The following XYLT1 variants were observed in gnomAD, a reference collection of about 807,000 sequenced individuals.
XYLT1 encodes the protein beta-D-xylosyltransferase 1.
In XYLT1, 36 loss-of-function variants were observed where a neutral mutation model predicts 91.3. The observed-to-expected ratio is 0.39, with a 90% confidence interval of 0.30 to 0.52. XYLT1 has a LOEUF of 0.52. Among genes scored for constraint, XYLT1 ranks in the 20% least tolerant of loss-of-function variants. XYLT1 has a pLI of 0.68. For missense variants in XYLT1, 1,242 were observed against 1,284.5 expected (o/e 0.97, Z 0.51); for synonymous variants, 588 against 532.0 (o/e 1.11, Z -1.45).
chr16:17,168,326 G>A (rs1245421286), intron 5 of XYLT1, among the ~76,000 whole-genome samples: 2 of 152,208 alleles, frequency 1.3e-5, no homozygotes, highest in African/African-American at 4.8e-5. Context: ...TGTCCTAAGT[G>A]AATTAACAGA....
chr16:17,346,153 G>A (rs1002482758), intron 2 of XYLT1, among the ~76,000 whole-genome samples: 3 of 152,264 alleles, frequency 2.0e-5, no homozygotes, highest in African/African-American at 4.8e-5. Flanking sequence ...CAAAGGGATC[G>A]CTGGCGTGTG....
At chr16:17,418,953 A>C (rs1205704607) in intron 1 of XYLT1, among the ~76,000 whole-genome samples, 1 of 152,070 alleles carries the variant, frequency 6.6e-6, no homozygotes, top group African/African-American at 2.4e-5. Context: ...GCGCTGCTGT[A>C]GGCGATATCT....
At chr16:17,215,302 T>C (rs2032834486) in intron 3 of XYLT1, among the ~76,000 whole-genome samples, 1 of 152,076 alleles carries the variant, frequency 6.6e-6, no homozygotes. Flanking sequence ...GTTGCACCAC[T>C]GCACTCCAGC....
intron 1 of XYLT1, among the ~76,000 whole-genome samples, chr16:17,405,474 C>A (rs753491015): frequency 1.3e-5 from 2 of 152,226 alleles, no homozygotes; most frequent in Non-Finnish European, 2.9e-5. Flanking sequence ...CCACAGCCAG[C>A]CCTTGTTCTC....
At chr16:17,117,462 G>T (rs1044559096) in intron 11 of XYLT1, among the ~76,000 whole-genome samples, 184 bp downstream of exon 11, 3 of 152,298 alleles carry the variant, frequency 2.0e-5, no homozygotes, top group African/African-American at 4.8e-5. Flanking sequence ...TCATCTCCGT[G>T]TGCAGGTAGG....
chr16:17,269,586 T>C (rs2033856272), intron 2 of XYLT1, among the ~76,000 whole-genome samples: 2 of 152,212 alleles, frequency 1.3e-5, no homozygotes, highest in African/African-American at 4.8e-5. Flanking sequence ...AATAATTTAC[T>C]GTTTGTTCCA....
intron 2 of XYLT1, among the ~76,000 whole-genome samples, chr16:17,274,716 G>A (rs182577757): frequency 2.0e-5 from 3 of 152,212 alleles, no homozygotes; most frequent in Admixed American, 2.0e-4. Context: ...AAAGGAGCAA[G>A]ACAGACAAAG....
intron 5 of XYLT1, among the ~76,000 whole-genome samples, chr16:17,182,157 G>C (rs2032084749): frequency 6.6e-6 from 1 of 152,206 alleles, no homozygotes; most frequent in African/African-American, 2.4e-5. Flanking sequence ...TGTTGCTTGA[G>C]AGCATATAGC....
intron 9 of XYLT1, among the ~76,000 whole-genome samples, chr16:17,131,055 G>A (rs1405170958): frequency 1.3e-5 from 2 of 152,146 alleles, no homozygotes; most frequent in African/African-American, 4.8e-5. Context: ...TAGAATGGGA[G>A]GGCTTTGAGT....
intron 11 of XYLT1, among the ~76,000 whole-genome samples, chr16:17,113,764 A>G (rs1206736652): frequency 6.6e-6 from 1 of 152,260 alleles, no homozygotes; most frequent in Non-Finnish European, 1.5e-5. Flanking sequence ...CACAGTTGTC[A>G]TGCTTCAGTC....
At chr16:17,188,511 A>T (rs148064457) in intron 5 of XYLT1, among the ~76,000 whole-genome samples, 1 of 152,052 alleles carries the variant, frequency 6.6e-6, no homozygotes, top group Non-Finnish European at 1.5e-5. Context: ...GAACCTCCTC[A>T]CACTTCTCCT....
chr16:17,132,166 G>A (rs1025161970), intron 9 of XYLT1, among the ~76,000 whole-genome samples: 3 of 152,212 alleles, frequency 2.0e-5, no homozygotes, highest in East Asian at 1.9e-4. Flanking sequence ...GGCAGGCACT[G>A]CACTGTCTAC....
At chr16:17,447,260 A>G (rs930330686) in intron 1 of XYLT1, among the ~76,000 whole-genome samples, 2 of 152,194 alleles carry the variant, frequency 1.3e-5, no homozygotes, top group African/African-American at 4.8e-5. Flanking sequence ...ACAGAGAGAC[A>G]GATGGGAAGT....
intron 1 of XYLT1, among the ~76,000 whole-genome samples, chr16:17,445,652 A>G (rs1359380810): frequency 6.6e-6 from 1 of 152,202 alleles, no homozygotes; most frequent in Non-Finnish European, 1.5e-5. Context: ...TGTGGCCTCA[A>G]TGCAAACTCG....
chr16:17,163,970 G>A (rs1405809764), intron 5 of XYLT1, among the ~76,000 whole-genome samples: 1 of 144,460 alleles, frequency 6.9e-6, no homozygotes, highest in African/African-American at 2.5e-5. Context: ...CCCAGGAGGT[G>A]GAGGTTGCAG....
intron 1 of XYLT1, among the ~76,000 whole-genome samples, chr16:17,456,567 C>A (rs2036746065): frequency 6.6e-6 from 1 of 152,118 alleles, no homozygotes; most frequent in African/African-American, 2.4e-5. Context: ...TCTTGAACTC[C>A]TGGGCTCCAG....
At chr16:17,140,125 C>A (rs780035933) in intron 7 of XYLT1, among the ~76,000 whole-genome samples, 2 of 152,204 alleles carry the variant, frequency 1.3e-5, no homozygotes, top group Non-Finnish European at 2.9e-5. Flanking sequence ...ATCCCTCAAC[C>A]CAGCTCTGAC....
At chr16:17,136,293 T>A (rs908667183) in intron 8 of XYLT1, among the ~76,000 whole-genome samples, 1 of 152,186 alleles carries the variant, frequency 6.6e-6, no homozygotes, top group African/African-American at 2.4e-5. Flanking sequence ...ATCCAAGCCC[T>A]TTCTACTGTA....
At chr16:17,429,734 T>C (rs1262088486) in intron 1 of XYLT1, among the ~76,000 whole-genome samples, 2 of 152,144 alleles carry the variant, frequency 1.3e-5, no homozygotes, top group African/African-American at 4.8e-5. Context: ...TTTATTTTTC[T>C]TGCATTACTG....
Sources: allele counts gnomAD v4.1 joint callset (sites outside exome capture counted in the v4.1 genomes callset), GRCh38; gene constraint gnomAD v4.1.1; transcripts MANE v1.5; gene names NCBI Gene and HGNC (gene_info 2026-07-23, HGNC 2026-07-21).